Variants in THSD7A observed in about 807,000 individuals in gnomAD.
THSD7A encodes thrombospondin type-1 domain-containing protein 7A.
In THSD7A, 96 loss-of-function variants were observed where a neutral mutation model predicts 231.3. The ratio of observed to expected loss-of-function variants is 0.41; its 90% CI spans 0.35 to 0.49. The LOEUF is 0.49. THSD7A is among the 20% of genes least tolerant of loss of function. THSD7A has a pLI of 0.05. For missense variants in THSD7A, 2,290 were observed against 2,070.2 expected, an observed-to-expected ratio of 1.11 and a Z score of -2.06; for synonymous variants, 940 against 743.3, an observed-to-expected ratio of 1.26 and a Z score of -4.30.
chr7:11,733,792 T>C (rs1781815873), intron 1 of THSD7A, among the ~76,000 whole-genome samples: 1 of 152,070 alleles, frequency 6.6e-6, no homozygotes, highest in South Asian at 2.1e-4. Flanking sequence ...TTTCTTCTCA[T>C]AGTAACACTG....
At chr7:11,506,008 G>C (rs1787528960) in intron 6 of THSD7A, among the ~76,000 whole-genome samples, 1 of 152,144 alleles carries the variant, frequency 6.6e-6, no homozygotes, top group Non-Finnish European at 1.5e-5. Context: ...GAACAAGATA[G>C]ACAAAAAGAG....
intron 4 of THSD7A, among the ~76,000 whole-genome samples, chr7:11,573,403 G>T (rs1038727353): frequency 5.9e-5 from 9 of 152,092 alleles, no homozygotes; most frequent in African/African-American, 2.2e-4. Flanking sequence ...CCAGCACTTA[G>T]ATTTCTGACT....
Position 11,387,935 on chromosome 7 carries a change from A to T in THSD7A, c.4412-5319T>A, listed in dbSNP as rs1228884405. On this transcript the variant is annotated intron_variant, in intron 23 of 27. Transcript: ENST00000423059. ...TAGCATGAATGGGTGTTGAATTTTG[A>T]CAAAGGCCTTTTCTGCATCTAATCA... Among the ~76,000 whole-genome samples, 3 of 152,008 alleles carry T rather than the reference A, an allele frequency of 2.0e-5. No homozygotes were observed. In the East Asian group the frequency reaches 5.8e-4, roughly 29 times the overall value.
chr7:11,783,960 C>T (rs540909136), intron 1 of THSD7A, among the ~76,000 whole-genome samples: 1 of 152,106 alleles, frequency 6.6e-6, no homozygotes, highest in Admixed American at 6.5e-5. Context: ...CATAGGCTCA[C>T]TTATTACCTG....
chr7:11,605,203 T>A (rs374053849), intron 2 of THSD7A, among the ~76,000 whole-genome samples: 1 of 152,126 alleles, frequency 6.6e-6, no homozygotes, highest in Non-Finnish European at 1.5e-5. Context: ...TATATATGTA[T>A]CTATCTATAG....
chr7:11,483,842 C>G (rs769198482), intron 6 of THSD7A, among the ~76,000 whole-genome samples: 1 of 152,074 alleles, frequency 6.6e-6, no homozygotes, highest in Non-Finnish European at 1.5e-5. Flanking sequence ...GTTACCTAAT[C>G]TTTTCTATTC....
chr7:11,686,182 C>A (rs1020950992), intron 1 of THSD7A, among the ~76,000 whole-genome samples: 9 of 151,524 alleles, frequency 5.9e-5, no homozygotes, highest in African/African-American at 1.9e-4. Context: ...TGGGGATTCC[C>A]AAAGGTGGGG....
intron 4 of THSD7A, among the ~76,000 whole-genome samples, chr7:11,565,382 G>C (rs148029167): frequency 1.4e-4 from 22 of 152,310 alleles, no homozygotes; most frequent in African/African-American, 5.1e-4. Flanking sequence ...AAAATCCACA[G>C]ACTGTCGCTT....
intron 6 of THSD7A, among the ~76,000 whole-genome samples, chr7:11,515,611 T>G (rs1370972496): frequency 6.6e-6 from 1 of 152,106 alleles, no homozygotes; most frequent in Non-Finnish European, 1.5e-5. Flanking sequence ...ACACAGCTAT[T>G]GTCATAGAAA....
chr7:11,492,720 T>C (rs919393136), intron 6 of THSD7A, among the ~76,000 whole-genome samples: 4 of 152,088 alleles, frequency 2.6e-5, no homozygotes, highest in African/African-American at 9.7e-5. Flanking sequence ...TGTAGGAGAC[T>C]GGTCTATGTG....
chr7:11,620,337 G>A (rs1781261951), intron 2 of THSD7A, among the ~76,000 whole-genome samples: 1 of 152,050 alleles, frequency 6.6e-6, no homozygotes, highest in Non-Finnish European at 1.5e-5. Flanking sequence ...CTGTGGCATT[G>A]CAGTTACTTT....
At chr7:11,524,037 G>C (rs1206078433) in intron 6 of THSD7A, among the ~76,000 whole-genome samples, 1 of 152,050 alleles carries the variant, frequency 6.6e-6, no homozygotes, top group Non-Finnish European at 1.5e-5. Flanking sequence ...TCAAAACACT[G>C]GGTGCTTTTA....
chr7:11,561,248 C>T (rs1401831656), intron 4 of THSD7A, among the ~76,000 whole-genome samples: 1 of 152,042 alleles, frequency 6.6e-6, no homozygotes, highest in Non-Finnish European at 1.5e-5. Context: ...TAATATAGGT[C>T]ATAATTAAAA....
chr7:11,619,896 G>A (rs942491273), intron 2 of THSD7A, among the ~76,000 whole-genome samples: 1 of 151,756 alleles, frequency 6.6e-6, no homozygotes, highest in East Asian at 1.9e-4. Context: ...TTATTTTATT[G>A]TCCTTTCTTA....
At chr7:11,593,134 G>A (rs2074601) in intron 3 of THSD7A, 120 bp downstream of exon 3, 9 of 1,365,418 alleles carry the variant, frequency 6.6e-6, no homozygotes, top group Non-Finnish European at 8.8e-6. Flanking sequence ...TAAGGATACT[G>A]TTTGTAAAGA....
chr7:11,477,103 T>A (rs1210118524), intron 7 of THSD7A, among the ~76,000 whole-genome samples: 1 of 152,170 alleles, frequency 6.6e-6, no homozygotes. Flanking sequence ...ATCCTCAGAC[T>A]GCATTCAAGT....
chr7:11,723,274 A>T (rs1030257387), intron 1 of THSD7A, among the ~76,000 whole-genome samples: 2 of 142,952 alleles, frequency 1.4e-5, no homozygotes, highest in Non-Finnish European at 3.0e-5. Flanking sequence ...GAATTGAACA[A>T]TGAGAACACA....
chr7:11,542,349 A>T (rs1789188557), intron 5 of THSD7A, among the ~76,000 whole-genome samples: 1 of 152,226 alleles, frequency 6.6e-6, no homozygotes, highest in Admixed American at 6.5e-5. Flanking sequence ...CTTTGAAACA[A>T]AATTGAAAAA....
chr7:11,723,065 A>G (rs1452959594), intron 1 of THSD7A, among the ~76,000 whole-genome samples: 2 of 151,946 alleles, frequency 1.3e-5, no homozygotes, highest in Non-Finnish European at 2.9e-5. Flanking sequence ...TAGCAAAGAC[A>G]TGGAACCAAT....
Sources: allele counts gnomAD v4.1 joint callset (sites outside exome capture counted in the v4.1 genomes callset), GRCh38; gene constraint gnomAD v4.1.1; transcripts MANE v1.5; gene names NCBI Gene and HGNC (gene_info 2026-07-23, HGNC 2026-07-21).